Variants in MTUS1 observed in about 807,000 individuals in gnomAD.
The protein encoded by MTUS1 is microtubule associated scaffold protein 1, also known as microtubule-associated tumor suppressor 1.
A neutral mutation model predicts 120.8 loss-of-function variants in MTUS1; 109 were observed. That is an observed-to-expected ratio of 0.90 (90% CI 0.77 to 1.06). The LOEUF (loss-of-function observed/expected upper bound fraction) is 1.06, where lower values mean the gene tolerates loss of function less well. MTUS1 is among the 50% of genes least tolerant of loss of function. MTUS1 has a pLI of 0.00. For synonymous variants in MTUS1, 737 were observed against 550.5 expected (o/e 1.34, Z -4.74); for missense variants, 2,210 against 1,486.3 (o/e 1.49, Z -8.01).
intron 8 of MTUS1, chr8:17,674,561 G>A: frequency 1.0e-6 from 1 of 985,896 alleles, no homozygotes; most frequent in Non-Finnish European, 1.2e-6. Flanking sequence ...GGGCTGGGTG[G>A]TGGGTGTTGA....
chr8:17,684,515 C>A lies in MTUS1; in HGVS notation c.2651G>T (p.Arg884Leu), dbSNP rs187373547. ...AVEKSRQKNPRSLCIQPQTAP... is the reference protein window; with the variant it reads ...AVEKSRQKNPLSLCIQPQTAP... ...TGTCTGTGGCTGGATACATAAGCTT[C>A]GAGGATTCTTTTGCCTGCTCTTTTC... The change falls in exon 7 of 15, where the codon CGA becomes CTA. Residue 884 changes from arginine to leucine, a missense_variant. Transcript: ENST00000693296. 2.5e-6 allele frequency: 4 copies of A among 1,613,870 alleles called. No individual in the cohort carries two copies. In the African/African-American group the frequency reaches 5.3e-5, roughly 22 times the overall value.
At chr8:17,728,331 C>A (rs2046349438) in intron 3 of MTUS1, among the ~76,000 whole-genome samples, 1 of 152,152 alleles carries the variant, frequency 6.6e-6, no homozygotes, top group Admixed American at 6.5e-5. Context: ...TCTCAAACTC[C>A]TGACCTTAAG....
chr8:17,756,008 A>G, intron 1 of MTUS1, 47 bp from the exon 2 acceptor site: 2 of 1,241,906 alleles, frequency 1.6e-6, no homozygotes, highest in Non-Finnish European at 2.1e-6. Flanking sequence ...AGAAAAATTA[A>G]CAGGCCACCC....
chr8:17,707,511 T>G (rs1221144300), intron 6 of MTUS1, among the ~76,000 whole-genome samples: 1 of 152,182 alleles, frequency 6.6e-6, no homozygotes, highest in African/African-American at 2.4e-5. Context: ...AGCTGCAATG[T>G]TGACCCCTTA....
intron 4 of MTUS1, among the ~76,000 whole-genome samples, chr8:17,718,712 G>A (rs990944540): frequency 6.6e-6 from 1 of 151,862 alleles, no homozygotes; most frequent in African/African-American, 2.4e-5. Context: ...GGTCCCAACT[G>A]TCTCAATTAT....
chr8:17,722,662 C>T (rs2045928426), intron 4 of MTUS1: 2 of 637,080 alleles, frequency 3.1e-6, no homozygotes, highest in Non-Finnish European at 3.9e-6. Flanking sequence ...ACAAAAAATG[C>T]ATTCTCAATT....
chr8:17,757,971 T>C (rs973643892), intron 1 of MTUS1, among the ~76,000 whole-genome samples: 1 of 152,156 alleles, frequency 6.6e-6, no homozygotes, highest in Non-Finnish European at 1.5e-5. Context: ...TGATGGAAAG[T>C]GTAAATTTGT....
chr8:17,679,519 T>TTTA, intron 7 of MTUS1, among the ~76,000 whole-genome samples: 1 of 148,492 alleles, frequency 6.7e-6, no homozygotes, highest in African/African-American at 2.6e-5. Flanking sequence ...TTATTTATTT[T>TTTA]TTGAGACAGG....
intron 10 of MTUS1, chr8:17,653,755 A>C (rs893446504): frequency 2.6e-6 from 1 of 389,420 alleles, no homozygotes; most frequent in African/African-American, 2.1e-5. Context: ...AGGCCATGCG[A>C]CCTTAGGACA....
chr8:17,709,729 C>T (rs1309919537), intron 6 of MTUS1, among the ~76,000 whole-genome samples: 1 of 152,020 alleles, frequency 6.6e-6, no homozygotes, highest in African/African-American at 2.4e-5. Context: ...CCTTAATTTG[C>T]CAGGCGTGGT....
rs1805954506 is a variant in MTUS1 at position 17,647,029 on chromosome 8, C to G, written c.3552G>C (p.Glu1184Asp). Residue 1184 changes from glutamate to aspartate, a missense_variant, in exon 14 of 15, where the codon GAG (glutamate) becomes GAC (aspartate). By Grantham distance (45) the Glu-to-Asp change is conservative. Transcript: ENST00000693296. ...CCATCCGAGCTTTCAATTCTTCATT[C>G]TCCTGCTGGAAACGCTTCAATTTGT... ...LVDKLKRFQQ[E>D]NEELKARMDK... 1 of 1,613,918 alleles carries G rather than the reference C, an allele frequency of 6.2e-7. No individual in the cohort carries two copies. The highest frequency in any genetic ancestry group is 8.5e-7 in the Non-Finnish European group (1 of 1,180,024).
chr8:17,756,074 C>A (rs1312372625), intron 1 of MTUS1, 113 bp from the exon 2 acceptor site: 2 of 452,114 alleles, frequency 4.4e-6, no homozygotes, highest in African/African-American at 2.0e-5. Context: ...ACATTTAGAC[C>A]CCACAACTAC....
At chr8:17,673,531 A>G (rs545393206) in intron 8 of MTUS1, among the ~76,000 whole-genome samples, 39 of 152,298 alleles carry the variant, frequency 2.6e-4, no homozygotes, top group African/African-American at 7.5e-4. Flanking sequence ...AGCTCACTGC[A>G]GTCTCGAACT....
chr8:17,654,494 C>T, intron 10 of MTUS1, 67 bp downstream of exon 10: 2 of 1,098,362 alleles, frequency 1.8e-6, no homozygotes, highest in Non-Finnish European at 1.4e-6. Context: ...GAATCATTTC[C>T]ATCTTAAAAC....
chr8:17,794,834 A>G (rs529961551), intron 1 of MTUS1, among the ~76,000 whole-genome samples: 3 of 152,322 alleles, frequency 2.0e-5, no homozygotes, highest in East Asian at 3.9e-4. Flanking sequence ...TCTATGTTTC[A>G]ATGTCATCTC....
intron 6 of MTUS1, among the ~76,000 whole-genome samples, chr8:17,704,570 T>G (rs1013172559): frequency 1.3e-5 from 2 of 152,180 alleles, no homozygotes; most frequent in African/African-American, 4.8e-5. Flanking sequence ...TGCTGAAGAT[T>G]AGCTAACCGT....
chr8:17,748,683 T>C (rs925047056), intron 2 of MTUS1, among the ~76,000 whole-genome samples: 4 of 152,156 alleles, frequency 2.6e-5, no homozygotes, highest in African/African-American at 9.7e-5. Context: ...GGCTGGATCC[T>C]GTACTCACTT....
chr8:17,753,362 A>T (rs1281455589), intron 2 of MTUS1, among the ~76,000 whole-genome samples: 1 of 152,226 alleles, frequency 6.6e-6, no homozygotes. Flanking sequence ...TACATTTTAA[A>T]GTTGACAACC....
At chr8:17,646,174 GT>G in intron 14 of MTUS1, 35 bp from the exon 15 acceptor site, 1 of 1,442,958 alleles carries the variant, frequency 6.9e-7, no homozygotes, top group Non-Finnish European at 9.2e-7. Flanking sequence ...TGAGATCTAT[GT>G]AAAAAAAAAA....
Sources: gnomAD v4.1 joint callset for allele counts (sites outside exome capture counted in the v4.1 genomes callset) on GRCh38, gnomAD v4.1.1 for gene constraint, MANE v1.5 for transcripts, NCBI Gene and HGNC (gene_info 2026-07-23, HGNC 2026-07-21) for gene names.